SYNE1: variants seen among roughly 807,000 people sequenced by gnomAD.
SYNE1 encodes spectrin repeat containing nuclear envelope protein 1.
In SYNE1, 616 loss-of-function variants were observed where a neutral mutation model predicts 1,111.0. The ratio of observed to expected loss-of-function variants is 0.55; its 90% confidence interval spans 0.52 to 0.59. SYNE1 has a LOEUF of 0.59. Among genes scored for constraint, SYNE1 ranks in the 20% least tolerant of loss-of-function variants. The probability of loss-of-function intolerance (pLI) is 0.00; values close to 1 mark genes in which losing one functional copy is unlikely to be tolerated. For synonymous variants in SYNE1, 3,855 were observed against 3,825.8 expected, an observed-to-expected ratio of 1.01 and a Z score of -0.28; for missense variants, 10,006 against 10,417.0, an observed-to-expected ratio of 0.96 and a Z score of 1.72.
intron 81 of SYNE1, among the ~76,000 whole-genome samples, chr6:152,324,694 G>A (rs375386644): frequency 1.4e-4 from 21 of 151,926 alleles, no homozygotes; most frequent in African/African-American, 5.1e-4. Context: ...CTCGCTACTC[G>A]GGAGGCTGAG....
At chr6:152,465,548 A>G in intron 17 of SYNE1, 88 bp from the exon 18 acceptor site, 1 of 1,189,874 alleles carries the variant, frequency 8.4e-7, no homozygotes, top group Non-Finnish European at 1.2e-6. Flanking sequence ...ATTGGTGTGC[A>G]ATAGTATCCA....
chr6:152,136,771 G>A lies in SYNE1; in HGVS notation c.25506C>T (p.Ile8502=). The A allele has an allele frequency of 1.2e-6, 2 of 1,614,264 alleles. No individual in the cohort carries two copies. The highest frequency in any genetic ancestry group is 1.7e-6 in the Non-Finnish European group (2 of 1,180,048). The change falls in exon 141 of 146, where the codon ATC becomes ATT. Residue 8502 remains isoleucine, a synonymous_variant. Transcript: ENST00000367255. ...VDHRKAIILS[I]NLCSPEFTQA... ...GGGTGAACTCAGGGCTGCAGAGATT[G>A]ATGGAGAGGATGATGGCTTTGCGGT...
At chr6:152,475,178 T>A (rs1437526788) in intron 14 of SYNE1, among the ~76,000 whole-genome samples, 1 of 152,304 alleles carries the variant, frequency 6.6e-6, no homozygotes, top group East Asian at 1.9e-4. Context: ...AAGAGAAATC[T>A]GATATAAATG....
intron 19 of SYNE1, 24 bp from the exon 20 acceptor site, chr6:152,462,914 A>C: frequency 1.9e-6 from 3 of 1,613,602 alleles, no homozygotes; most frequent in Non-Finnish European, 2.5e-6. Flanking sequence ...GGAGGAGGGA[A>C]CATCGTGAAA....
intron 100 of SYNE1, among the ~76,000 whole-genome samples, chr6:152,267,117 T>A (rs1178850108): frequency 6.6e-6 from 1 of 152,202 alleles, no homozygotes; most frequent in African/African-American, 2.4e-5. Flanking sequence ...AGCATTTATG[T>A]CTTTTTAATT....
At chr6:152,594,924 C>A (rs1366903471) in intron 3 of SYNE1, among the ~76,000 whole-genome samples, 1 of 152,208 alleles carries the variant, frequency 6.6e-6, no homozygotes, top group African/African-American at 2.4e-5. Context: ...CACACCTTCA[C>A]CGTACCACAT....
chr6:152,629,680 A>T (rs1051650953), intron 2 of SYNE1, among the ~76,000 whole-genome samples: 1 of 152,086 alleles, frequency 6.6e-6, no homozygotes. Context: ...CCATAAACGA[A>T]ATAATTAGAC....
chr6:152,612,275 T>C (rs2623978), intron 3 of SYNE1, among the ~76,000 whole-genome samples: 108,596 of 151,656 alleles, frequency 0.72, 38,930 homozygotes, highest in East Asian at 0.81. Flanking sequence ...AGAAAAGAGA[T>C]AAGAATCAAA....
At chr6:152,411,525 T>A (rs1295900545) in intron 42 of SYNE1, among the ~76,000 whole-genome samples, 1 of 151,488 alleles carries the variant, frequency 6.6e-6, no homozygotes, top group African/African-American at 2.4e-5. Context: ...AAGACCTCAA[T>A]AACAAAAAAA....
chr6:152,550,689 G>A (rs1486208140), intron 3 of SYNE1, among the ~76,000 whole-genome samples: 2 of 151,946 alleles, frequency 1.3e-5, no homozygotes, highest in Non-Finnish European at 2.9e-5. Flanking sequence ...ACTATTTATA[G>A]TCTTTCATTA....
In SYNE1 at chr6:152,326,407, G is replaced by T. The variant is rs1255900264; in HGVS notation, c.15182C>A (p.Pro5061Gln). The T allele has an allele frequency of 1.8e-5, 29 of 1,614,066 alleles. No homozygotes were observed. The highest frequency in any genetic ancestry group is 2.4e-5 in the Non-Finnish European group (28 of 1,180,044). Residue 5061 changes from proline (P) to glutamine (Q), a missense_variant, in exon 79 of 146, where the codon CCA (proline) becomes CAA (glutamine). Coordinates refer to ENST00000367255, the MANE Select transcript of SYNE1 (RefSeq NM_182961.4). The stretch of plus-strand genomic sequence containing the variant: ...TTCTTTGCCGGTTGGCTTGATGAGT[G>T]GGTCCAGGGTGGCTACCAGGCTGTG... The part of the protein sequence containing the change: ...ELHSLVATLD[P>Q]LIKPTGKEDL...
At position 152,232,267 on chromosome 6, in the gene SYNE1, T is replaced by G. The variant is rs765558657; in HGVS notation, c.20713-2A>C. 6.2e-7 allele frequency: 1 copy of G among 1,613,906 alleles called. No homozygotes were observed. The highest frequency in any genetic ancestry group is 1.1e-5 in the South Asian group (1 of 91,068). ...GGAAGGCAGTTTATCCATCTGGAGC[T>G]GTCCAAGTCAGGGAGAGAACCAGTC... On this transcript the variant is annotated splice_acceptor_variant, in intron 112 of 145. Coordinates refer to ENST00000367255, the MANE Select transcript of SYNE1 (RefSeq NM_182961.4). LOFTEE classifies it high-confidence loss of function.
intron 59 of SYNE1, among the ~76,000 whole-genome samples, chr6:152,372,282 C>A (rs962520433): frequency 9.9e-5 from 15 of 152,174 alleles, no homozygotes; most frequent in African/African-American, 3.4e-4. Context: ...AAACAGAGAT[C>A]AATGGTCTTG....
intron 75 of SYNE1, 138 bp downstream of exon 75, chr6:152,339,103 A>C: frequency 8.6e-7 from 1 of 1,156,220 alleles, no homozygotes; most frequent in Non-Finnish European, 1.2e-6. Flanking sequence ...TCAAATATCT[A>C]TTTATTATAA....
chr6:152,152,007 T>C lies in SYNE1; in HGVS notation c.24264A>G (p.Arg8088=). The C allele has an allele frequency of 6.2e-7, 1 of 1,614,200 alleles. No homozygotes were observed. The highest frequency in any genetic ancestry group is 8.5e-7 in the Non-Finnish European group (1 of 1,180,040). The change falls in exon 134 of 146, where the codon AGA becomes AGG. Residue 8088 remains arginine (R), a synonymous_variant. Coordinates refer to ENST00000367255, the MANE Select transcript of SYNE1 (RefSeq NM_182961.4). ...LKQMVHEGNQ[R]WDNLQKRVTS... ...TGACACGCTTTTGCAGGTTGTCCCA[T>C]CTCTGGTTGCCTTCGTGAACCATCT...
rs1563020649 is a variant in SYNE1, at chr6:152,318,088, A to G, written c.16565T>C (p.Leu5522Pro). 6.2e-7 allele frequency: 1 copy of G among 1,614,154 alleles called. No homozygotes were observed. ...CTGGCCCGGAACACATACCTGATTGAGCTTGGAGAGCCGATTCTCAGCTTG... is the reference window on the plus strand; with the variant it reads ...CTGGCCCGGAACACATACCTGATTGGGCTTGGAGAGCCGATTCTCAGCTTG... ...IRQAENRLSK[L>P]NQAASHLEEY... The change falls in exon 86 of 146, where the codon CTC (leucine) becomes CCC (proline). Residue 5522 changes from leucine (L) to proline (P), a missense_variant. By Grantham distance (98) the Leu-to-Pro change is moderately conservative (BLOSUM62 -3). This residue lies in a region of SYNE1 where 4,955 missense variants were observed against 5,017.2 expected (regional missense o/e 0.99). Transcript: ENST00000367255.
intron 6 of SYNE1, among the ~76,000 whole-genome samples, chr6:152,512,830 C>T (rs1190056795): frequency 6.6e-6 from 1 of 152,154 alleles, no homozygotes; most frequent in Non-Finnish European, 1.5e-5. Context: ...ATTGAACTTA[C>T]AATACATTCT....
At chr6:152,540,215 A>T (rs2099262874) in intron 3 of SYNE1, among the ~76,000 whole-genome samples, 194 bp from the exon 4 acceptor site, 1 of 152,086 alleles carries the variant, frequency 6.6e-6, no homozygotes, top group African/African-American at 2.4e-5. Flanking sequence ...TTTAAAAATT[A>T]TCTGCAAATG....
intron 5 of SYNE1, among the ~76,000 whole-genome samples, 176 bp from the exon 6 acceptor site, chr6:152,520,718 T>C (rs2154348591): frequency 6.6e-6 from 1 of 152,316 alleles, no homozygotes; most frequent in Admixed American, 6.5e-5. Context: ...CATGGCACTC[T>C]GAAGATATAC....
Sources: gnomAD v4.1 joint callset for allele counts (sites outside exome capture counted in the v4.1 genomes callset) on GRCh38, gnomAD v4.1.1 for gene constraint, gnomAD v4.1.1 regional missense constraint, MANE v1.5 for transcripts, NCBI Gene and HGNC (gene_info 2026-07-23, HGNC 2026-07-21) for gene names.